The following PLB1 variants were observed in gnomAD, a reference collection of about 807,000 sequenced individuals.
PLB1 encodes the protein phospholipase B1, membrane-associated.
In PLB1, 242 loss-of-function variants were observed where a neutral mutation model predicts 227.4. The ratio of observed to expected loss-of-function variants is 1.06; its 90% confidence interval spans 0.96 to 1.18. The LOEUF is 1.18. Among genes scored for constraint, PLB1 ranks in the 50% most tolerant of loss-of-function variants. PLB1 has a pLI of 0.00. For missense variants in PLB1, 1,858 were observed against 1,816.3 expected, an observed-to-expected ratio of 1.02 and a Z score of -0.42; for synonymous variants, 757 against 682.2, an observed-to-expected ratio of 1.11 and a Z score of -1.71.
rs777902225 is a variant in PLB1, at chr2:28,582,451, A to G, written c.1679A>G (p.Asn560Ser). ...VNLVTVLEIV[N>S]LRELYQEKKV... is the part of the protein sequence containing the mutation. ...CTGGTGACGGTGCTTGAGATCGTCA[A>G]CCTGAGGGAGCTGTACCAGGAGAAA... The change falls in exon 25 of 58, where the codon AAC becomes AGC. Residue 560 changes from asparagine to serine, a missense_variant. Physicochemically the swap from Asn to Ser is conservative, Grantham distance 46 (BLOSUM62 1). Transcript: ENST00000327757. 18 of 1,613,270 alleles carry G rather than the reference A, an allele frequency of 1.1e-5. No homozygotes were observed. Among genetic ancestry groups the G allele is most frequent in the East Asian group, 4.5e-5 (2 of 44,868 alleles).
At chr2:28,534,788 A>C (rs987584627) in intron 9 of PLB1, among the ~76,000 whole-genome samples, 8 of 152,056 alleles carry the variant, frequency 5.3e-5, no homozygotes, top group Non-Finnish European at 1.2e-4. Flanking sequence ...CAGGAGACAG[A>C]GGTTGCAGTG....
At chr2:28,573,591 C>T (rs1345417730) in intron 21 of PLB1, among the ~76,000 whole-genome samples, 1 of 152,226 alleles carries the variant, frequency 6.6e-6, no homozygotes, top group Non-Finnish European at 1.5e-5. Context: ...AGGTTATAAG[C>T]AGGCTCACTC....
intron 51 of PLB1, 68 bp downstream of exon 51, chr2:28,626,576 C>T: frequency 1.4e-6 from 2 of 1,400,808 alleles, no homozygotes; most frequent in Non-Finnish European, 2.0e-6. Flanking sequence ...CATCCTTGCC[C>T]ATCCATCCCT....
At chr2:28,517,158 T>G (rs1300362020) in intron 2 of PLB1, among the ~76,000 whole-genome samples, 1 of 152,198 alleles carries the variant, frequency 6.6e-6, no homozygotes, top group African/African-American at 2.4e-5. Flanking sequence ...AAGCAGATGT[T>G]GGGAGTTATC....
intron 4 of PLB1, among the ~76,000 whole-genome samples, chr2:28,523,905 C>G (rs985591895): frequency 2.0e-5 from 3 of 152,234 alleles, no homozygotes; most frequent in African/African-American, 7.2e-5. Flanking sequence ...CCCCAGGAGG[C>G]CTGCTCCCCT....
intron 11 of PLB1, among the ~76,000 whole-genome samples, chr2:28,539,448 A>C (rs6744005): frequency 0.67 from 101,257 of 152,142 alleles, 33,939 homozygotes; most frequent in East Asian, 0.77. Context: ...GGCTCTCCTC[A>C]GTGCCAGAGT....
At chr2:28,517,834 T>C (rs947050233) in intron 2 of PLB1, among the ~76,000 whole-genome samples, 22 of 151,998 alleles carry the variant, frequency 1.4e-4, no homozygotes, top group African/African-American at 5.3e-4. Context: ...TACATTACTG[T>C]GCAACCATCA....
At chr2:28,586,698 C>T (rs1207726817) in intron 26 of PLB1, among the ~76,000 whole-genome samples, 5 of 152,112 alleles carry the variant, frequency 3.3e-5, no homozygotes, top group Admixed American at 1.3e-4. Context: ...ACCTAGCACT[C>T]GGGATGACTC....
At chr2:28,578,293 G>A (rs190389713) in intron 22 of PLB1, 135 bp downstream of exon 22, 3 of 807,542 alleles carry the variant, frequency 3.7e-6, no homozygotes, top group East Asian at 5.3e-5. Context: ...CTGCTTCTCT[G>A]GAAAGGGGAT....
chr2:28,607,338 C>T (rs550987144), intron 43 of PLB1, among the ~76,000 whole-genome samples: 9 of 152,308 alleles, frequency 5.9e-5, no homozygotes, highest in Non-Finnish European at 1.2e-4. Flanking sequence ...CCCACCCTCC[C>T]TGCTGGGGAA....
rs1684284322 is a variant in PLB1, at chr2:28,603,955, T to A, written c.2775-11T>A. 2 of 1,613,634 alleles carry A rather than the reference T, an allele frequency of 1.2e-6. No individual in the cohort carries two copies. Among genetic ancestry groups the A allele is most frequent in the South Asian group, 1.1e-5 (1 of 91,086 alleles). ...AGCTCTGGGGCCTCCTGCCTCCCCCTCTTTGTGCAGCGTTTTGTGTAACTG... is the reference window on the plus strand; with the variant it reads ...AGCTCTGGGGCCTCCTGCCTCCCCCACTTTGTGCAGCGTTTTGTGTAACTG... On this transcript the variant is annotated splice_polypyrimidine_tract_variant and intron_variant, in intron 39 of 57. Coordinates refer to ENST00000327757, the MANE Select transcript of PLB1 (RefSeq NM_153021.5).
At chr2:28,577,565 G>A (rs990879589) in intron 21 of PLB1, among the ~76,000 whole-genome samples, 47 of 152,288 alleles carry the variant, frequency 3.1e-4, no homozygotes, top group Admixed American at 1.7e-3. Flanking sequence ...CACACCGGCC[G>A]GGCGCGGTGG....
intron 22 of PLB1, among the ~76,000 whole-genome samples, chr2:28,578,972 A>G (rs900027409): frequency 6.6e-6 from 1 of 152,088 alleles, no homozygotes; most frequent in Admixed American, 6.5e-5. Flanking sequence ...CTGGGGCCAT[A>G]GTTTATGGAA....
intron 12 of PLB1, among the ~76,000 whole-genome samples, chr2:28,541,158 C>T (rs978633352): frequency 8.3e-5 from 12 of 144,728 alleles, no homozygotes; most frequent in African/African-American, 2.7e-4. Context: ...GGCAAGACAG[C>T]GAGACTCCGT....
intron 56 of PLB1, among the ~76,000 whole-genome samples, chr2:28,638,600 G>A (rs537631312): frequency 8.5e-5 from 13 of 152,138 alleles, no homozygotes; most frequent in East Asian, 7.7e-4. Context: ...AGACGCTGTC[G>A]TGGGCTGGCG....
chr2:28,582,093 C>T lies in PLB1; in HGVS notation c.1592C>T (p.Thr531Ile), dbSNP rs1199559332. ...DLVHYSPQNF[T>I]DNIGKALDIL... ...GTCCACTATTCTCCCCAGAACTTCACAGACAACATTGGAAAGGCCCTGGAC... is the reference window on the plus strand; with the variant it reads ...GTCCACTATTCTCCCCAGAACTTCATAGACAACATTGGAAAGGCCCTGGAC... The change falls in exon 24 of 58, where the codon ACA becomes ATA. Residue 531 changes from threonine (T) to isoleucine (I), a missense_variant. Thr to Ile is a moderately conservative substitution (Grantham distance 89). Transcript: ENST00000327757. 5.0e-6 allele frequency: 8 copies of T among 1,614,066 alleles called. No individual in the cohort carries two copies. The Admixed American group carries it at 1.3e-4, about 27-fold the overall frequency.
At position 28,557,300 on chromosome 2, in the gene PLB1, C is replaced by T. The variant is rs73922158; in HGVS notation, c.1147+4309C>T. 8.9e-3 allele frequency among the ~76,000 whole-genome samples: 1,362 copies of T among 152,226 alleles called. 20 individuals carry two copies. Among genetic ancestry groups the T allele is most frequent in the African/African-American group, 0.031 (1,284 of 41,508 alleles). ...TTCTTGAGCTCCTCTGTGGAAGGCA[C>T]GCATTGGTTCATGGAAACTCACACC... On this transcript the variant is annotated intron_variant, in intron 17 of 57. Transcript: ENST00000327757.
chr2:28,600,824 A>C lies in PLB1; in HGVS notation c.2490A>C (p.Gln830His). Reference sequence around the variant, plus strand: ...TCTTTCTCAGGGATCTTATGAGCCAAGTCCAAACTCTGATGCAGAAGATGA... The same window carrying C: ...TCTTTCTCAGGGATCTTATGAGCCACGTCCAAACTCTGATGCAGAAGATGA... The part of the protein sequence containing the change: ...PGAKAEDLMS[Q>H]VQTLMQKMKD... The change falls in exon 36 of 58, where the codon CAA becomes CAC. Residue 830 changes from glutamine (Q) to histidine (H), a missense_variant. Gln to His is a conservative substitution (Grantham distance 24). Transcript: ENST00000327757. The C allele has an allele frequency of 6.2e-7, 1 of 1,613,514 alleles. No homozygotes were observed.
intron 1 of PLB1, among the ~76,000 whole-genome samples, chr2:28,508,227 G>A (rs574351203): frequency 8.7e-4 from 132 of 152,190 alleles, no homozygotes; most frequent in African/African-American, 3.1e-3. Flanking sequence ...ATAGCCTTTG[G>A]CAGGTTTGCT....
Sources: gnomAD v4.1 joint callset for allele counts (sites outside exome capture counted in the v4.1 genomes callset) on GRCh38, gnomAD v4.1.1 for gene constraint, MANE v1.5 for transcripts, NCBI Gene and HGNC (gene_info 2026-07-23, HGNC 2026-07-21) for gene names.